The following CLPX variants were observed in gnomAD, a reference collection of about 807,000 sequenced individuals.
CLPX encodes ATP-dependent clpX-like chaperone, mitochondrial.
In CLPX, 34 loss-of-function variants were observed where a neutral mutation model predicts 76.4. The ratio of observed to expected loss-of-function variants is 0.45; its 90% confidence interval spans 0.34 to 0.59. The LOEUF is 0.59. Ranked by LOEUF, CLPX falls within the 20% of genes least tolerant of loss-of-function variation. The pLI is 0.01. For synonymous variants in CLPX, 248 were observed against 270.9 expected, an observed-to-expected ratio of 0.92 and a Z score of 0.83; for missense variants, 613 against 757.0, an observed-to-expected ratio of 0.81 and a Z score of 2.23.
chr15:65,156,925 G>C lies in CLPX; in HGVS notation c.1065C>G (p.Val355=), dbSNP rs897188051. 5.6e-6 allele frequency: 9 copies of C among 1,606,034 alleles called. 1 individual carries two copies. In the African/African-American group the frequency reaches 1.2e-4, roughly 21 times the overall value. ...CAATCTTATCTACTTCATCCAGAAA[G>C]ACAATTCCTATAATTTAAGGAGGAT... ...YNVEKAQQGI[V]FLDEVDKIGS... The change falls in exon 9 of 14, where the codon GTC becomes GTG. Residue 355 remains valine, a synonymous_variant. Transcript: ENST00000300107.
Position 65,185,193 on chromosome 15 carries a change from C to T in CLPX, c.-40G>A, listed in dbSNP as rs1260447325. The T allele has an allele frequency of 2.0e-6, 3 of 1,508,280 alleles. No homozygotes were observed. Among genetic ancestry groups the T allele is most frequent in the East Asian group, 2.4e-5 (1 of 40,952 alleles). The allele number at this position is 1,508,280 out of a possible 1,614,324, so 93.4% of individuals were successfully genotyped here. A position where few individuals can be genotyped will look rare whatever the true frequency, so the allele number is the denominator to read the frequency against. On this transcript the variant is annotated 5_prime_UTR_variant, in exon 1 of 14. Coordinates refer to ENST00000300107, the MANE Select transcript of CLPX (RefSeq NM_006660.5). ...GGCCGGGGCTTCGCCCCCTGAGGAC[C>T]TCCGGGTCACAGCGGCGTGAATCCT... is the stretch of plus-strand genomic sequence containing the variant.
At chr15:65,174,264 T>C (rs980528322) in intron 3 of CLPX, among the ~76,000 whole-genome samples, 6 of 149,726 alleles carry the variant, frequency 4.0e-5, no homozygotes, top group East Asian at 2.0e-4. Flanking sequence ...TGAGCCACCA[T>C]GCCTGGCCTC....
intron 1 of CLPX, among the ~76,000 whole-genome samples, chr15:65,184,790 G>A (rs372331912): frequency 6.6e-5 from 10 of 152,388 alleles, no homozygotes; most frequent in African/African-American, 1.9e-4. Flanking sequence ...TGCCTTTCAG[G>A]GTTTCTACAA....
chr15:65,179,940 T>A, intron 2 of CLPX, 104 bp downstream of exon 2: 1 of 711,724 alleles, frequency 1.4e-6, no homozygotes, highest in Non-Finnish European at 2.1e-6. Context: ...CTATCTCATA[T>A]TTCCTACAGA....
chr15:65,183,604 A>T (rs2088212255), intron 1 of CLPX, among the ~76,000 whole-genome samples: 1 of 152,098 alleles, frequency 6.6e-6, no homozygotes, highest in Non-Finnish European at 1.5e-5. Context: ...AAAAAGAAAG[A>T]AAACAGTCGT....
intron 7 of CLPX, chr15:65,158,173 C>A: frequency 2.9e-6 from 1 of 345,326 alleles, no homozygotes; most frequent in Non-Finnish European, 5.2e-6. Context: ...CAGGCATGTG[C>A]TACCACGCCC....
Position 65,157,896 on chromosome 15 carries a change from C to A in CLPX, c.907G>T (p.Ala303Ser). The A allele has an allele frequency of 6.3e-7, 1 of 1,592,174 alleles. No homozygotes were observed. The highest frequency in any genetic ancestry group is 8.5e-7 in the Non-Finnish European group (1 of 1,171,040). The change falls in exon 8 of 14, where the codon GCA becomes TCA. Residue 303 changes from alanine (A) to serine (S), a missense_variant. By Grantham distance (99) the Ala-to-Ser change is moderately conservative. Around this residue, in one of 2 missense-constraint regions of CLPX, gnomAD observed 450 missense variants for 638.6 expected, o/e 0.70. Transcript: ENST00000300107. The stretch of plus-strand genomic sequence containing the variant: ...TCAAGGCATTTAGCTAGGGTTTGTG[C>A]CAGCAGAGTTTTACCTACAAATAGA... ...GPTGSGKTLL[A>S]QTLAKCLDVP...
intron 6 of CLPX, among the ~76,000 whole-genome samples, chr15:65,161,425 G>T (rs2140623621): frequency 6.6e-6 from 1 of 152,272 alleles, no homozygotes; most frequent in Middle Eastern, 3.4e-3. Flanking sequence ...CCTAACTTTA[G>T]AACTTAAAAT....
intron 1 of CLPX, among the ~76,000 whole-genome samples, chr15:65,183,270 G>A (rs1875774284): frequency 2.0e-5 from 3 of 151,648 alleles, no homozygotes; most frequent in Admixed American, 1.3e-4. Context: ...AGACCATCCT[G>A]GCTAACACGG....
At chr15:65,158,161 T>C in intron 7 of CLPX, 1 of 366,238 alleles carries the variant, frequency 2.7e-6, no homozygotes, top group South Asian at 4.6e-5. Context: ...GCCTCAGGAC[T>C]ACAGGCATGT....
At chr15:65,169,183 T>C (rs964423000) in intron 3 of CLPX, among the ~76,000 whole-genome samples, 2 of 151,934 alleles carry the variant, frequency 1.3e-5, no homozygotes, top group Admixed American at 6.6e-5. Context: ...CTCGATCTCC[T>C]GACCTCGTGA....
chr15:65,166,863 A>G, intron 3 of CLPX, 78 bp from the exon 4 acceptor site: 1 of 1,409,600 alleles, frequency 7.1e-7, no homozygotes, highest in Non-Finnish European at 9.6e-7. Context: ...ACTCCACTGT[A>G]AATGAAAGCT....
At chr15:65,165,059 G>A (rs946943273) in intron 4 of CLPX, among the ~76,000 whole-genome samples, 3 of 152,126 alleles carry the variant, frequency 2.0e-5, no homozygotes, top group African/African-American at 7.2e-5. Context: ...AACTCCTGCC[G>A]GGCTTGGTGG....
intron 6 of CLPX, among the ~76,000 whole-genome samples, chr15:65,160,561 G>T (rs1272531682): frequency 6.7e-6 from 1 of 150,176 alleles, no homozygotes; most frequent in Non-Finnish European, 1.5e-5. Flanking sequence ...CTTCAGATCA[G>T]CAAGGCCAGC....
At chr15:65,160,592 T>TCTCTC (rs2087840977) in intron 6 of CLPX, among the ~76,000 whole-genome samples, 4 of 118,450 alleles carry the variant, frequency 3.4e-5, no homozygotes, top group Admixed American at 9.0e-5. Flanking sequence ...CATTCACTCA[T>TCTCTC]TCTCTCTCTC....
In CLPX at chr15:65,148,744, A is replaced by G. The variant is rs1200278005; in HGVS notation, c.*2079T>C. The G allele has an allele frequency of 6.6e-6, 1 of 151,862 alleles. No individual in the cohort carries two copies. The highest frequency in any genetic ancestry group is 6.6e-5 in the Admixed American group (1 of 15,242). The allele number at this position is 151,862 out of a possible 1,614,324, so 9.4% of individuals were successfully genotyped here. The stretch of plus-strand genomic sequence containing the variant: ...TCGAGTCTATAAACCAAAAAAAAAA[A>G]CCCACAAATATTTACATGTACTCTG... On this transcript the variant is annotated 3_prime_UTR_variant, in exon 14 of 14. Transcript: ENST00000300107.
intron 8 of CLPX, 110 bp from the exon 9 acceptor site, chr15:65,157,042 C>T: frequency 1.6e-6 from 1 of 637,102 alleles, no homozygotes; most frequent in East Asian, 2.8e-5. Context: ...ATCTTTCATA[C>T]TTAACATATC....
At chr15:65,170,058 G>A (rs1210889432) in intron 3 of CLPX, among the ~76,000 whole-genome samples, 1 of 152,058 alleles carries the variant, frequency 6.6e-6, no homozygotes, top group Non-Finnish European at 1.5e-5. Flanking sequence ...ACCGCACCCA[G>A]CGACTTTTTT....
chr15:65,169,734 G>T (rs2945608), intron 3 of CLPX, among the ~76,000 whole-genome samples: 4 of 151,772 alleles, frequency 2.6e-5, no homozygotes, highest in Non-Finnish European at 5.9e-5. Flanking sequence ...ATGGTTATAG[G>T]ATGTAGATAT....
Sources: allele counts gnomAD v4.1 joint callset (sites outside exome capture counted in the v4.1 genomes callset), GRCh38; gene constraint gnomAD v4.1.1; regional missense constraint gnomAD v4.1.1; transcripts MANE v1.5; gene names NCBI Gene and HGNC (gene_info 2026-07-23, HGNC 2026-07-21).